ZNF831: variants seen among roughly 807,000 people sequenced by gnomAD.
ZNF831 encodes zinc finger protein 831, also known as chromosome 20 open reading frame 174.
In ZNF831, 59 loss-of-function variants were observed where a neutral mutation model predicts 95.8. That is an observed-to-expected ratio of 0.62 (90% CI 0.50 to 0.77). The LOEUF is 0.77. Ranked by LOEUF, ZNF831 falls within the 30% of genes least tolerant of loss-of-function variation. The pLI is 0.00. For missense variants in ZNF831, 2,205 were observed against 2,164.0 expected, an observed-to-expected ratio of 1.02 and a Z score of -0.38; for synonymous variants, 961 against 925.5, an observed-to-expected ratio of 1.04 and a Z score of -0.70.
At chr20:59,202,562 GGT>G (rs1160290411) in intron 3 of ZNF831, among the ~76,000 whole-genome samples, 1 of 152,116 alleles carries the variant, frequency 6.6e-6, no homozygotes, top group East Asian at 1.9e-4. Context: ...GGTGCCTGGG[GGT>G]GCTCGTTTGT....
At chr20:59,186,898 T>C (rs1983094320) in intron 1 of ZNF831, among the ~76,000 whole-genome samples, 1 of 151,688 alleles carries the variant, frequency 6.6e-6, no homozygotes, top group African/African-American at 2.4e-5. Context: ...TCCTCCCTTC[T>C]GCTCAGTGAT....
chr20:59,206,727 G>A (rs532935794), intron 3 of ZNF831, among the ~76,000 whole-genome samples, 178 bp from the exon 4 acceptor site: 3 of 151,420 alleles, frequency 2.0e-5, no homozygotes, highest in East Asian at 3.9e-4. Flanking sequence ...GAAGCTAGGC[G>A]CATTATCCTG....
intron 4 of ZNF831, among the ~76,000 whole-genome samples, chr20:59,238,438 G>A (rs1250119252): frequency 6.6e-6 from 1 of 152,080 alleles, no homozygotes; most frequent in East Asian, 1.9e-4. Flanking sequence ...CCACCCCTCT[G>A]CCTGGGGTTG....
intron 2 of ZNF831, among the ~76,000 whole-genome samples, chr20:59,156,914 A>G (rs1326742240): frequency 6.6e-6 from 1 of 152,252 alleles, no homozygotes; most frequent in Non-Finnish European, 1.5e-5. Context: ...ACCATTCTTT[A>G]AAATTTTATT....
chr20:59,190,533 A>G (rs1457799912), intron 1 of ZNF831, among the ~76,000 whole-genome samples: 1 of 152,242 alleles, frequency 6.6e-6, no homozygotes, highest in Non-Finnish European at 1.5e-5. Context: ...ATCTGGAAAC[A>G]GTCCCAGAGA....
intron 4 of ZNF831, among the ~76,000 whole-genome samples, chr20:59,252,002 G>C (rs77873693): frequency 6.6e-6 from 1 of 152,144 alleles, no homozygotes; most frequent in African/African-American, 2.4e-5. Context: ...GTGCTTGTGT[G>C]GGGGGTCATG....
chr20:59,254,431 A>C lies in ZNF831; in HGVS notation c.4722A>C (p.Pro1574=). 1 of 1,614,178 alleles carries C rather than the reference A, an allele frequency of 6.2e-7. No individual in the cohort carries two copies. The change falls in exon 6 of 6, where the codon CCA becomes CCC. Residue 1574 remains proline (P), a synonymous_variant. Transcript: ENST00000371030. This position sits in a 1 kb window ranked among gnomAD's most constrained non-coding sequence, Gnocchi z 4.5. ...KTHLEIPASG[P]SSASSHHKEG... ...ATCTTGAAATACCAGCTTCAGGACC[A>C]AGTTCAGCTAGTTCACACCACAAGG...
In ZNF831 at chr20:59,191,239, C is replaced by G. The variant is rs558289892; in HGVS notation, c.220C>G (p.Arg74Gly). ...HTVPPGGLQP[R>G]APLVTGSLDG... ...GGTGCCTCCCGGGGGCCTCCAGCCC[C>G]GCGCCCCGCTAGTGACGGGCAGCCT... The change falls in exon 2 of 6, where the codon CGC becomes GGC. Residue 74 changes from arginine to glycine, a missense_variant. Transcript: ENST00000371030. The G allele has an allele frequency of 5.0e-4, 767 of 1,547,808 alleles. No individual in the cohort carries two copies. Among genetic ancestry groups the G allele is most frequent in the Non-Finnish European group, 6.1e-4 (703 of 1,147,826 alleles).
rs778063295 is a variant in ZNF831 at position 59,192,621 on chromosome 20, C to T, written c.1602C>T (p.Ser534=). 2 of 1,501,644 alleles carry T rather than the reference C, an allele frequency of 1.3e-6. No homozygotes were observed. The highest frequency in any genetic ancestry group is 1.8e-6 in the Non-Finnish European group (2 of 1,128,540). The allele number at this position is 1,501,644 out of a possible 1,614,324, so 93.0% of individuals were successfully genotyped here. A position where few individuals can be genotyped will look rare whatever the true frequency, so the allele number is the denominator to read the frequency against. ...DPWSRTQKPL[S]PRPGPARLGC... ...GGTCCAGGACGCAGAAGCCTCTGAG[C>T]CCCAGGCCCGGCCCAGCCCGCCTGG... The change falls in exon 2 of 6, where the codon AGC becomes AGT. Residue 534 remains serine (S), a synonymous_variant. Transcript: ENST00000371030. This position sits in a 1 kb window ranked among gnomAD's most constrained non-coding sequence, Gnocchi z 5.2.
At chr20:59,196,702 T>G (rs1169878625) in intron 3 of ZNF831, among the ~76,000 whole-genome samples, 2 of 152,194 alleles carry the variant, frequency 1.3e-5, no homozygotes, top group African/African-American at 2.4e-5. Context: ...ATCCACATTC[T>G]AATCCCAGAT....
chr20:59,167,994 A>G (rs912030973), intron 1 of ZNF831, among the ~76,000 whole-genome samples: 1 of 152,138 alleles, frequency 6.6e-6, no homozygotes, highest in Non-Finnish European at 1.5e-5. Flanking sequence ...TACTTTGGCT[A>G]TATAATAAGT....
In ZNF831 at chr20:59,194,824, A is replaced by C. The variant is rs576382141; in HGVS notation, c.3738+67A>C. On this transcript the variant is annotated intron_variant, in intron 2 of 5. Coordinates refer to ENST00000371030, the MANE Select transcript of ZNF831 (RefSeq NM_178457.3). ...ATGTTGTTATCCCGTAAGACCTCTC[A>C]TGAGGGAAGGAAGTCTGAAGCCGTC... The C allele has an allele frequency of 1.3e-4, 192 of 1,473,068 alleles. No individual in the cohort carries two copies. The African/African-American group carries it at 1.9e-3, about 15-fold the overall frequency. The allele number at this position is 1,473,068 out of a possible 1,614,324, so 91.2% of individuals were successfully genotyped here.
At chr20:59,125,350 T>G (rs1173235107) in intron 1 of ZNF831, among the ~76,000 whole-genome samples, 1 of 152,218 alleles carries the variant, frequency 6.6e-6, no homozygotes, top group East Asian at 1.9e-4. Flanking sequence ...TTCTGTGACT[T>G]GCAGATCAGT....
At chr20:59,220,333 G>A (rs566260771) in intron 4 of ZNF831, among the ~76,000 whole-genome samples, 3 of 152,206 alleles carry the variant, frequency 2.0e-5, no homozygotes, top group Admixed American at 6.5e-5. Context: ...CACCAGGTGC[G>A]CCTTGCGGGG....
intron 1 of ZNF831, among the ~76,000 whole-genome samples, chr20:59,170,745 C>T (rs1468754813): frequency 1.3e-5 from 2 of 152,152 alleles, no homozygotes; most frequent in Non-Finnish European, 1.5e-5. Flanking sequence ...TCCATTTCTC[C>T]CAGCAAGGAC....
In ZNF831 at chr20:59,191,463, C is replaced by T. The variant is rs1601364519; in HGVS notation, c.444C>T (p.His148=). The T allele has an allele frequency of 1.9e-6, 3 of 1,613,092 alleles. No individual in the cohort carries two copies. The highest frequency in any genetic ancestry group is 2.7e-5 in the African/African-American group (2 of 75,070). The change falls in exon 2 of 6, where the codon CAC becomes CAT. Residue 148 remains histidine (H), a synonymous_variant. Transcript: ENST00000371030. The part of the protein sequence containing the change: ...VRNAGKYLCP[H]CGRDCLKPSV... ...ATGCGGGCAAGTACCTGTGTCCGCA[C>T]TGTGGTCGCGACTGCCTGAAGCCCA...
chr20:59,253,869 C>CCGG, intron 5 of ZNF831, 29 bp from the exon 6 acceptor site: 126 of 1,067,496 alleles, frequency 1.2e-4, no homozygotes, highest in Middle Eastern at 3.7e-4. Context: ...TCCCCCCCCA[C>CCGG]TTTTTTTTTC....
chr20:59,193,441 T>C lies in ZNF831; in HGVS notation c.2422T>C (p.Trp808Arg), dbSNP rs1250580549. ...TCLWAQTVLR[W>R]PSRGSGEDKL... is the part of the protein sequence containing the mutation. The stretch of plus-strand genomic sequence containing the variant: ...CCTGTGGGCCCAGACTGTCCTGAGA[T>C]GGCCCAGCAGGGGCTCAGGGGAGGA... The change falls in exon 2 of 6, where the codon TGG (tryptophan) becomes CGG (arginine). Residue 808 changes from tryptophan to arginine, a missense_variant. Coordinates refer to ENST00000371030, the MANE Select transcript of ZNF831 (RefSeq NM_178457.3). The C allele has an allele frequency of 4.4e-6, 7 of 1,603,424 alleles. No homozygotes were observed. In the South Asian group the frequency reaches 5.6e-5, roughly 13 times the overall value.
At chr20:59,174,796 G>A (rs988848477) in intron 1 of ZNF831, among the ~76,000 whole-genome samples, 4 of 152,086 alleles carry the variant, frequency 2.6e-5, no homozygotes, top group South Asian at 2.1e-4. Context: ...AAACTCAAAA[G>A]GGAATGTTTT....
Sources: gnomAD v4.1 joint callset for allele counts (sites outside exome capture counted in the v4.1 genomes callset) on GRCh38, gnomAD v4.1.1 for gene constraint, Gnocchi (gnomAD v3.1) non-coding constraint, MANE v1.5 for transcripts, NCBI Gene and HGNC (gene_info 2026-07-23, HGNC 2026-07-21) for gene names.